UGP2: variants seen among roughly 807,000 people sequenced by gnomAD.
UGP2 encodes the protein UTP--glucose-1-phosphate uridylyltransferase.
UGP2 carries 40 observed loss-of-function variants against 49.0 expected under a neutral mutation model. The observed-to-expected ratio is 0.82, with a 90% confidence interval of 0.63 to 1.06. The LOEUF (loss-of-function observed/expected upper bound fraction) is 1.06, where lower values mean the gene tolerates loss of function less well. UGP2 is among the 50% of genes least tolerant of loss of function. UGP2 has a pLI of 0.00. For missense variants in UGP2, 460 were observed against 603.5 expected (o/e 0.76, Z 2.49); for synonymous variants, 225 against 213.0 (o/e 1.06, Z -0.49).
At chr2:63,843,901 T>A (rs749726508) in intron 1 of UGP2, among the ~76,000 whole-genome samples, 1 of 152,210 alleles carries the variant, frequency 6.6e-6, no homozygotes, top group Non-Finnish European at 1.5e-5. Context: ...TTTCTTCTTT[T>A]TTTGTCAAGG....
chr2:63,856,192 C>T, intron 1 of UGP2, 114 bp from the exon 2 acceptor site: 1 of 1,316,238 alleles, frequency 7.6e-7, no homozygotes, highest in Non-Finnish European at 1.0e-6. Flanking sequence ...GATAAAGGGA[C>T]CTTGGGATTG....
intron 8 of UGP2, 32 bp from the exon 9 acceptor site, chr2:63,890,049 G>C (rs535681026): frequency 6.5e-7 from 1 of 1,538,446 alleles, no homozygotes; most frequent in Non-Finnish European, 8.9e-7. Context: ...ACCCATTTGA[G>C]ACAAATTTTT....
At chr2:63,881,434 A>G (rs75677322) in intron 3 of UGP2, among the ~76,000 whole-genome samples, 23,389 of 152,132 alleles carry the variant, frequency 0.15, 2,325 homozygotes, top group Middle Eastern at 0.25. Flanking sequence ...CTTAAGGGGT[A>G]GTTTTATTTT....
chr2:63,876,358 G>A (rs1484546215), intron 3 of UGP2, among the ~76,000 whole-genome samples: 1 of 152,138 alleles, frequency 6.6e-6, no homozygotes, highest in African/African-American at 2.4e-5. Context: ...GCACACCCCT[G>A]TGTCTTTTGA....
chr2:63,891,328 C>A lies in UGP2; in HGVS notation c.*101C>A. On this transcript the variant is annotated 3_prime_UTR_variant, in exon 10 of 10. Coordinates refer to ENST00000337130, the MANE Select transcript of UGP2 (RefSeq NM_006759.4). ...GCAGGTACTTTACTATGTTACTGTA[C>A]CCTGCAGTGTTGATTTTTAAAATAG... 3 of 909,170 alleles carry A rather than the reference C, an allele frequency of 3.3e-6. No individual in the cohort carries two copies. Among genetic ancestry groups the A allele is most frequent in the Non-Finnish European group, 4.9e-6 (3 of 606,542 alleles). The allele number at this position is 909,170 out of a possible 1,614,324, so 56.3% of individuals were successfully genotyped here.
intron 1 of UGP2, among the ~76,000 whole-genome samples, chr2:63,845,433 A>G (rs1005322619): frequency 6.6e-6 from 1 of 152,140 alleles, no homozygotes; most frequent in African/African-American, 2.4e-5. Flanking sequence ...ACATGTCATC[A>G]ACAGAACTAA....
At chr2:63,878,674 C>A (rs182555088) in intron 3 of UGP2, among the ~76,000 whole-genome samples, 3 of 152,320 alleles carry the variant, frequency 2.0e-5, no homozygotes, top group Admixed American at 2.0e-4. Context: ...AGTCCTCCCA[C>A]TCCAGCCTCC....
Position 63,887,655 on chromosome 2 carries a change from A to T in UGP2, c.1314+11A>T. ...AGTTCTTTTACGAAGGTACGTAACT[A>T]TAAAGATATGTGAGTTCATATTTCT... is the stretch of plus-strand genomic sequence containing the variant. On this transcript the variant is annotated intron_variant, in intron 8 of 9. Coordinates refer to ENST00000337130, the MANE Select transcript of UGP2 (RefSeq NM_006759.4). 6.2e-7 allele frequency: 1 copy of T among 1,613,224 alleles called. No individual in the cohort carries two copies. The highest frequency in any genetic ancestry group is 8.5e-7 in the Non-Finnish European group (1 of 1,179,562).
Position 63,882,601 on chromosome 2 carries a change from G to A in UGP2, c.391G>A (p.Gly131Ser), listed in dbSNP as rs113894345. The change falls in exon 4 of 10, where the codon GGT (glycine) becomes AGT (serine). Residue 131 changes from glycine to serine, a missense_variant. Coordinates refer to ENST00000337130, the MANE Select transcript of UGP2 (RefSeq NM_006759.4). ...CTGCAAAGGCCCTAAAAGTCTGATTGGTGTGAGGAATGAGAATACCTTTCT... is the reference window on the plus strand; with the variant it reads ...CTGCAAAGGCCCTAAAAGTCTGATTAGTGTGAGGAATGAGAATACCTTTCT... ...MGCKGPKSLI[G>S]VRNENTFLDL... 5 of 1,607,224 alleles carry A rather than the reference G, an allele frequency of 3.1e-6. No individual in the cohort carries two copies. In the African/African-American group the frequency reaches 4.0e-5, roughly 13 times the overall value.
At chr2:63,858,372 A>G (rs929737689) in intron 3 of UGP2, among the ~76,000 whole-genome samples, 3 of 152,154 alleles carry the variant, frequency 2.0e-5, no homozygotes, top group South Asian at 4.1e-4. Context: ...TTTATATACT[A>G]TTTATCATAG....
At chr2:63,859,565 A>G (rs1425785456) in intron 3 of UGP2, among the ~76,000 whole-genome samples, 1 of 152,156 alleles carries the variant, frequency 6.6e-6, no homozygotes, top group Non-Finnish European at 1.5e-5. Flanking sequence ...TTTTCGGTTC[A>G]GTACTACCCT....
intron 1 of UGP2, among the ~76,000 whole-genome samples, chr2:63,855,243 A>G (rs1669310912): frequency 6.6e-6 from 1 of 152,220 alleles, no homozygotes; most frequent in African/African-American, 2.4e-5. Flanking sequence ...ATAAGGGGAA[A>G]GAGTTTTTAG....
intron 8 of UGP2, chr2:63,888,084 A>G (rs1329030069): frequency 6.3e-6 from 1 of 158,614 alleles, no homozygotes; most frequent in Non-Finnish European, 1.4e-5. Flanking sequence ...TAAATGTATG[A>G]TATACCAAGT....
intron 3 of UGP2, among the ~76,000 whole-genome samples, chr2:63,860,889 A>G (rs1669793660): frequency 6.6e-6 from 1 of 151,552 alleles, no homozygotes; most frequent in African/African-American, 2.4e-5. Context: ...TTTTTCATAA[A>G]TACTAGATTG....
chr2:63,845,673 G>A (rs1671879286), intron 1 of UGP2, among the ~76,000 whole-genome samples: 1 of 152,144 alleles, frequency 6.6e-6, no homozygotes, highest in African/African-American at 2.4e-5. Context: ...CTCTTACTAT[G>A]TATGATGTAC....
intron 1 of UGP2, among the ~76,000 whole-genome samples, chr2:63,847,005 T>C (rs1424546185): frequency 3.3e-5 from 5 of 152,228 alleles, no homozygotes; most frequent in Admixed American, 3.3e-4. Flanking sequence ...TGAAAAGTGC[T>C]GTTTTCCAAC....
chr2:63,864,938 G>T (rs1450483789), intron 3 of UGP2, among the ~76,000 whole-genome samples: 1 of 152,196 alleles, frequency 6.6e-6, no homozygotes, highest in Non-Finnish European at 1.5e-5. Flanking sequence ...CTCTATTCTA[G>T]TGGGAGAGAT....
In UGP2 at chr2:63,891,004, TAA is replaced by T. The variant is rs941301313; in HGVS notation, c.1420-110_1420-109del. The T allele has an allele frequency of 4.4e-4, 292 of 663,748 alleles. 4 individuals are homozygous for T. In the East Asian group the frequency reaches 6.7e-3, roughly 15 times the overall value. The allele number at this position is 663,748 out of a possible 1,614,324, so 41.1% of individuals were successfully genotyped here. ...TGTTTTTCATGTTTAATATTGTTTATAAAAAAAGTTACTTCACTGTAAAAAAA... is the reference window on the plus strand; with the variant it reads ...TGTTTTTCATGTTTAATATTGTTTATAAAAAGTTACTTCACTGTAAAAAAA... On this transcript the variant is annotated intron_variant, in intron 9 of 9. Transcript: ENST00000337130.
At position 63,887,551 on chromosome 2, in the gene UGP2, C is replaced by T; in HGVS notation, c.1221C>T (p.Asn407=). The change falls in exon 8 of 10, where the codon AAC becomes AAT. Residue 407 remains asparagine, a synonymous_variant. Transcript: ENST00000337130. ...TTSDLLLVMS[N]LYSLNAGSLT... ...CAGATCTCTTGCTGGTGATGTCAAA[C>T]CTCTATAGTCTTAATGCAGGATCTC... is the stretch of plus-strand genomic sequence containing the variant. 1 of 1,614,088 alleles carries T rather than the reference C, an allele frequency of 6.2e-7. No homozygotes were observed. The highest frequency in any genetic ancestry group is 1.1e-5 in the South Asian group (1 of 91,084).
Sources: allele counts gnomAD v4.1 joint callset (sites outside exome capture counted in the v4.1 genomes callset), GRCh38; gene constraint gnomAD v4.1.1; transcripts MANE v1.5; gene names NCBI Gene and HGNC (gene_info 2026-07-23, HGNC 2026-07-21).